Variants in CHFR observed in about 807,000 individuals in gnomAD.
CHFR encodes checkpoint with forkhead and ring finger domains, also known as E3 ubiquitin-protein ligase CHFR.
Under a neutral mutation model 87.6 loss-of-function variants are expected in CHFR, and 57 were observed. That is an observed-to-expected ratio of 0.65 (90% CI 0.53 to 0.81). The LOEUF (loss-of-function observed/expected upper bound fraction) is 0.81, where lower values mean the gene tolerates loss of function less well. CHFR is among the 30% of genes least tolerant of loss of function. The pLI, the probability that CHFR is intolerant of heterozygous loss-of-function variation, is 0.00. For missense variants in CHFR, 797 were observed against 865.8 expected (o/e 0.92, Z 1.00); for synonymous variants, 381 against 359.2 (o/e 1.06, Z -0.69).
At position 132,848,075 on chromosome 12, in the gene CHFR, G is replaced by A. The variant is rs368940560; in HGVS notation, c.1647+10C>T. ...GGCTCCCGGCTCCCCAGCCCGCAGCGAGTCGGTACCTTCAGGATGTCTGAC... is the reference window on the plus strand; with the variant it reads ...GGCTCCCGGCTCCCCAGCCCGCAGCAAGTCGGTACCTTCAGGATGTCTGAC... On this transcript the variant is annotated intron_variant, in intron 14 of 17. Coordinates refer to ENST00000450056, the MANE Select transcript of CHFR (RefSeq NM_001161346.2). 193 of 1,613,970 alleles carry A rather than the reference G, an allele frequency of 1.2e-4. 5 individuals carry two copies. The South Asian group carries it at 1.7e-3, about 15-fold the overall frequency.
Position 132,881,260 on chromosome 12 carries a change from A to G in CHFR, c.134-3606T>C, listed in dbSNP as rs529320977. On this transcript the variant is annotated intron_variant, in intron 2 of 17. Transcript: ENST00000450056. ...GCAACAGAGCGAGACTCCATCTCAA[A>G]AAAAAAAAAAAGTAAAAATCTGTTC... 2.2e-4 allele frequency among the ~76,000 whole-genome samples: 33 copies of G among 151,766 alleles called. No individual in the cohort carries two copies. In the East Asian group the frequency reaches 6.4e-3, roughly 29 times the overall value.
At chr12:132,878,426 G>A (rs1456821966) in intron 2 of CHFR, among the ~76,000 whole-genome samples, 4 of 151,144 alleles carry the variant, frequency 2.6e-5, no homozygotes, top group East Asian at 3.9e-4. Flanking sequence ...CTGAGATCGC[G>A]CCACTGCACT....
In CHFR at chr12:132,887,452, C is replaced by A. The variant is rs933735495; in HGVS notation, c.-13+95G>T. 3.7e-6 allele frequency: 3 copies of A among 812,110 alleles called. No homozygotes were observed. In the African/African-American group the frequency reaches 5.6e-5, roughly 15 times the overall value. The allele number at this position is 812,110 out of a possible 1,614,324, so 50.3% of individuals were successfully genotyped here. A position where few individuals can be genotyped will look rare whatever the true frequency, so the allele number is the denominator to read the frequency against. On this transcript the variant is annotated intron_variant, in intron 1 of 17. Transcript: ENST00000450056. The stretch of plus-strand genomic sequence containing the variant: ...GGCCGCCCGCGCCCACGCAGCCCCG[C>A]AGCCCGGCCTGGACGCCGGCGGGCG...
At chr12:132,882,152 C>G (rs1035164205) in intron 2 of CHFR, among the ~76,000 whole-genome samples, 4 of 152,204 alleles carry the variant, frequency 2.6e-5, no homozygotes, top group Admixed American at 1.3e-4. Flanking sequence ...AATGTCCATC[C>G]ACTGGTTGTA....
chr12:132,837,250 G>A lies in CHFR; in HGVS notation c.*4304C>T, dbSNP rs944813223. 1 of 190,526 alleles carries A rather than the reference G, an allele frequency of 5.2e-6. No homozygotes were observed. Among genetic ancestry groups the A allele is most frequent in the Admixed American group, 5.3e-5 (1 of 18,876 alleles). 11.8% of individuals were successfully genotyped at this position (190,526 alleles called of 1,614,324 possible). A position where few individuals can be genotyped will look rare whatever the true frequency, so the allele number is the denominator to read the frequency against. ...TACTATGTAATAAACCACCCCAAAT[G>A]CAGTGGCTTAAACAACTACTTATTT... On this transcript the variant is annotated 3_prime_UTR_variant, in exon 18 of 18. Transcript: ENST00000450056.
intron 12 of CHFR, chr12:132,849,041 G>T (rs1413221777): frequency 1.9e-5 from 5 of 267,090 alleles, no homozygotes; most frequent in Non-Finnish European, 3.6e-5. Context: ...CCGCCTCCTG[G>T]GTTCAAGGGA....
Position 132,887,565 on chromosome 12 carries a change from C to A in CHFR, c.-31G>T, listed in dbSNP as rs558080896. 7 of 157,768 alleles carry A rather than the reference C, an allele frequency of 4.4e-5. No homozygotes were observed. The South Asian group carries it at 5.4e-4, about 12-fold the overall frequency. 9.8% of individuals were successfully genotyped at this position (157,768 alleles called of 1,614,324 possible). On this transcript the variant is annotated 5_prime_UTR_variant, in exon 1 of 18. Coordinates refer to ENST00000450056, the MANE Select transcript of CHFR (RefSeq NM_001161346.2). ...CGCTTACCCCCGCCCCGCGCCGAAC[C>A]CGGAACCGGCTGCGCCGCCGCCGCT...
At chr12:132,873,308 G>A (rs1951535043) in intron 3 of CHFR, among the ~76,000 whole-genome samples, 1 of 152,192 alleles carries the variant, frequency 6.6e-6, no homozygotes, top group African/African-American at 2.4e-5. Context: ...GTCTGTAGCA[G>A]GAAAGCAAAT....
In CHFR at chr12:132,847,008, T is replaced by C. The variant is rs375885289; in HGVS notation, c.1735+35A>G. 6 of 1,507,312 alleles carry C rather than the reference T, an allele frequency of 4.0e-6. No individual in the cohort carries two copies. In the African/African-American group the frequency reaches 8.2e-5, roughly 21 times the overall value. 93.4% of individuals were successfully genotyped at this position (1,507,312 alleles called of 1,614,324 possible). ...GCAGGCACAGCCCTGGACACTCACA[T>C]GCGCCTTAGAGCAGGAGGCAACAGA... is the stretch of plus-strand genomic sequence containing the variant. On this transcript the variant is annotated intron_variant, in intron 15 of 17. Transcript: ENST00000450056.
chr12:132,884,730 C>T (rs1362400532), intron 2 of CHFR, among the ~76,000 whole-genome samples: 3 of 152,130 alleles, frequency 2.0e-5, no homozygotes, highest in African/African-American at 7.2e-5. Context: ...CCAAGAGAGC[C>T]CTCACCAGGA....
chr12:132,879,398 T>C (rs1264887705), intron 2 of CHFR, among the ~76,000 whole-genome samples: 8 of 150,982 alleles, frequency 5.3e-5, no homozygotes, highest in Non-Finnish European at 1.2e-4. Context: ...TTTTTTTCTT[T>C]TTTTTTTTTT....
Position 132,838,611 on chromosome 12 carries a change from G to C in CHFR, c.*2943C>G, listed in dbSNP as rs1950665733. 1 of 152,444 alleles carries C rather than the reference G, an allele frequency of 6.6e-6. No homozygotes were observed. The highest frequency in any genetic ancestry group is 2.1e-4 in the South Asian group (1 of 4,832). 9.4% of individuals were successfully genotyped at this position (152,444 alleles called of 1,614,324 possible). ...CTGCCCTGGGTTTGTCCCAAGGCTGGGCCAAGGAGCCAGGAAGAAGCAGTG... is the reference window on the plus strand; with the variant it reads ...CTGCCCTGGGTTTGTCCCAAGGCTGCGCCAAGGAGCCAGGAAGAAGCAGTG... On this transcript the variant is annotated 3_prime_UTR_variant, in exon 18 of 18. Transcript: ENST00000450056.
intron 3 of CHFR, among the ~76,000 whole-genome samples, chr12:132,876,380 A>G (rs985061183): frequency 1.3e-5 from 2 of 152,174 alleles, no homozygotes; most frequent in African/African-American, 4.8e-5. Flanking sequence ...AGCACCAACA[A>G]GACACTCAAA....
intron 2 of CHFR, among the ~76,000 whole-genome samples, chr12:132,885,519 C>T (rs1327877848): frequency 6.6e-6 from 1 of 151,978 alleles, no homozygotes; most frequent in Non-Finnish European, 1.5e-5. Flanking sequence ...CAAACTAATA[C>T]AATAATCTTA....
At chr12:132,860,131 C>A (rs1046211706) in intron 7 of CHFR, among the ~76,000 whole-genome samples, 1 of 152,188 alleles carries the variant, frequency 6.6e-6, no homozygotes, top group African/African-American at 2.4e-5. Context: ...TTTCCCTCCT[C>A]GGAGGAAAAC....
At chr12:132,876,862 T>G (rs1951641794) in intron 3 of CHFR, among the ~76,000 whole-genome samples, 1 of 152,222 alleles carries the variant, frequency 6.6e-6, no homozygotes, top group South Asian at 2.1e-4. Flanking sequence ...TGGTGCCATC[T>G]CAGCTCACCA....
chr12:132,856,439 C>T (rs1272809780), intron 10 of CHFR, 29 bp downstream of exon 10: 12 of 1,611,896 alleles, frequency 7.4e-6, no homozygotes, highest in Non-Finnish European at 1.0e-5. Flanking sequence ...GGCTCACACA[C>T]TCTGCTCTGA....
At chr12:132,880,539 T>C (rs1951742921) in intron 2 of CHFR, among the ~76,000 whole-genome samples, 1 of 151,714 alleles carries the variant, frequency 6.6e-6, no homozygotes, top group Admixed American at 6.6e-5. Context: ...GCGCCTGTAG[T>C]CCCAGCTACT....
rs1343247476 is a variant in CHFR at position 132,838,356 on chromosome 12, C to A, written c.*3198G>T. On this transcript the variant is annotated 3_prime_UTR_variant, in exon 18 of 18. Coordinates refer to ENST00000450056, the MANE Select transcript of CHFR (RefSeq NM_001161346.2). Reference sequence around the variant, plus strand: ...GTTTTAAGCCAATCTGCCCAGACTTCCTGGCTGCAGTCAGAAGCTATGACA... The same window carrying A: ...GTTTTAAGCCAATCTGCCCAGACTTACTGGCTGCAGTCAGAAGCTATGACA... 6.6e-6 allele frequency: 1 copy of A among 152,350 alleles called. No individual in the cohort carries two copies. Among genetic ancestry groups the A allele is most frequent in the Non-Finnish European group, 1.5e-5 (1 of 68,120 alleles). The allele number at this position is 152,350 out of a possible 1,614,324, so 9.4% of individuals were successfully genotyped here.
Sources: allele counts gnomAD v4.1 joint callset (sites outside exome capture counted in the v4.1 genomes callset), GRCh38; gene constraint gnomAD v4.1.1; transcripts MANE v1.5; gene names NCBI Gene and HGNC (gene_info 2026-07-23, HGNC 2026-07-21).